The following TJP2 variants were observed in gnomAD, a reference collection of about 807,000 sequenced individuals.
TJP2 encodes the protein Friedreich ataxia region gene X104 (tight junction protein ZO-2).
A neutral mutation model predicts 133.1 loss-of-function variants in TJP2; 91 were observed. That is an observed-to-expected ratio of 0.68 (90% CI 0.58 to 0.81). TJP2 has a LOEUF of 0.81. Among genes scored for constraint, TJP2 ranks in the 40% least tolerant of loss-of-function variants. The pLI is 0.00. For missense variants in TJP2, 1,541 were observed against 1,565.6 expected (o/e 0.98, Z 0.26); for synonymous variants, 592 against 583.4 (o/e 1.01, Z -0.21).
chr9:69,248,590 GA>G, intron 19 of TJP2: 1 of 1,175,646 alleles, frequency 8.5e-7, no homozygotes. Context: ...TGTACTCTTA[GA>G]TGTCCTTGCT....
chr9:69,237,250 G>A, intron 14 of TJP2, 114 bp downstream of exon 14: 1 of 1,269,262 alleles, frequency 7.9e-7, no homozygotes, highest in Non-Finnish European at 1.1e-6. Flanking sequence ...TATGCCAAAG[G>A]CAGTTTATAG....
intron 19 of TJP2, chr9:69,249,115 GAC>G (rs1270880195): frequency 7.9e-7 from 1 of 1,271,558 alleles, no homozygotes; most frequent in Admixed American, 3.6e-5. Context: ...GGATATTAGT[GAC>G]ACAAGAGATT....
At chr9:69,142,775 C>A (rs1823066810) in intron 1 of TJP2, among the ~76,000 whole-genome samples, 1 of 152,122 alleles carries the variant, frequency 6.6e-6, no homozygotes. Flanking sequence ...TTTTAATCAT[C>A]CAGAAAGAAA....
At position 69,234,516 on chromosome 9, in the gene TJP2, G is replaced by A; in HGVS notation, c.1749G>A (p.Met583Ile). ...TGTTAGAAATCCCTAAAGGTGAAAT[G>A]GTGACCATTTTAGCTCAGAGCCGAG... ...LYLLEIPKGE[M>I]VTILAQSRAD... The change falls in exon 12 of 23, where the codon ATG (methionine) becomes ATA (isoleucine). Residue 583 changes from methionine to isoleucine, a missense_variant. Physicochemically the swap from Met to Ile is conservative, Grantham distance 10. Transcript: ENST00000377245. The A allele has an allele frequency of 1.3e-6, 2 of 1,581,682 alleles. No homozygotes were observed. The highest frequency in any genetic ancestry group is 2.3e-5 in the East Asian group (1 of 42,656).
At chr9:69,253,331 T>G (rs1831475580) in intron 22 of TJP2, 1 of 192,972 alleles carries the variant, frequency 5.2e-6, no homozygotes, top group Admixed American at 5.4e-5. Flanking sequence ...GACAAGCAAA[T>G]GAGCAGTCTT....
At chr9:69,155,469 G>A (rs1393004099) in intron 2 of TJP2, among the ~76,000 whole-genome samples, 2 of 152,330 alleles carry the variant, frequency 1.3e-5, no homozygotes, top group East Asian at 1.9e-4. Flanking sequence ...GTTAAAACAC[G>A]GATTCCTGGG....
chr9:69,151,752 T>C, exon 2 of TJP2: 1 of 1,232,148 alleles, frequency 8.1e-7, no homozygotes, highest in Non-Finnish European at 1.0e-6. Flanking sequence ...GCTGTACCAG[T>C]ACACGGCCCA....
At chr9:69,147,085 G>T (rs1823245461) in intron 1 of TJP2, among the ~76,000 whole-genome samples, 1 of 152,206 alleles carries the variant, frequency 6.6e-6, no homozygotes. Flanking sequence ...GGCATACAGA[G>T]ACTCTATCAG....
intron 12 of TJP2, 24 bp from the exon 13 acceptor site, chr9:69,236,004 A>G: frequency 2.5e-6 from 4 of 1,612,768 alleles, no homozygotes; most frequent in Non-Finnish European, 3.4e-6. Flanking sequence ...GCTGAATGCA[A>G]CAAACGATGC....
At chr9:69,146,068 T>C (rs922880216) in intron 1 of TJP2, among the ~76,000 whole-genome samples, 9 of 152,202 alleles carry the variant, frequency 5.9e-5, no homozygotes, top group African/African-American at 2.2e-4. Context: ...ATTTTTACAA[T>C]CTAGACATTT....
intron 1 of TJP2, among the ~76,000 whole-genome samples, chr9:69,191,338 T>G (rs1826190582): frequency 6.6e-6 from 1 of 152,242 alleles, no homozygotes; most frequent in African/African-American, 2.4e-5. Flanking sequence ...ATGTTCCTAT[T>G]TCTCTGGATT....
intron 1 of TJP2, among the ~76,000 whole-genome samples, chr9:69,208,337 C>T (rs780136695): frequency 7.2e-5 from 11 of 152,114 alleles, no homozygotes; most frequent in Non-Finnish European, 1.3e-4. Flanking sequence ...GAAGAAGCCT[C>T]GCAATCTGAT....
intron 1 of TJP2, among the ~76,000 whole-genome samples, chr9:69,188,820 C>T (rs562366366): frequency 6.6e-6 from 1 of 152,254 alleles, no homozygotes; most frequent in South Asian, 2.1e-4. Context: ...AGTCCATAGC[C>T]TCCAGTTAGA....
At chr9:69,253,067 G>A in intron 22 of TJP2, 167 bp downstream of exon 22, 1 of 664,664 alleles carries the variant, frequency 1.5e-6, no homozygotes, top group Non-Finnish European at 2.6e-6. Flanking sequence ...AAAGATTACA[G>A]AGTCAAAACT....
At chr9:69,145,909 C>T (rs1221621524) in intron 1 of TJP2, 3 of 679,704 alleles carry the variant, frequency 4.4e-6, no homozygotes, top group African/African-American at 1.9e-5. Context: ...GGTCCTCTGT[C>T]TTGTGGGGAT....
intron 1 of TJP2, among the ~76,000 whole-genome samples, chr9:69,143,186 T>C (rs1200031853): frequency 6.6e-6 from 1 of 152,238 alleles, no homozygotes; most frequent in Non-Finnish European, 1.5e-5. Flanking sequence ...GAAATCATCA[T>C]AGATAAGAAT....
chr9:69,170,198 GA>G (rs1465859081), upstream of TJP2, among the ~76,000 whole-genome samples: 24 of 151,782 alleles, frequency 1.6e-4, no homozygotes, highest in Admixed American at 1.4e-3. Context: ...CTGAAAAGTT[GA>G]AAAAAATTGT....
intron 2 of TJP2, among the ~76,000 whole-genome samples, 199 bp downstream of exon 2, chr9:69,212,800 T>A (rs1828022772): frequency 6.6e-6 from 1 of 152,216 alleles, no homozygotes; most frequent in African/African-American, 2.4e-5. Flanking sequence ...AAGGACTGTT[T>A]AGTATGGAAC....
At chr9:69,188,040 C>T (rs1006355727) in intron 1 of TJP2, among the ~76,000 whole-genome samples, 5 of 152,174 alleles carry the variant, frequency 3.3e-5, no homozygotes, top group African/African-American at 1.2e-4. Flanking sequence ...TATAGAACTG[C>T]TCTGAGAATG....
Sources: gnomAD v4.1 joint callset for allele counts (sites outside exome capture counted in the v4.1 genomes callset) on GRCh38, gnomAD v4.1.1 for gene constraint, MANE v1.5 for transcripts, NCBI Gene and HGNC (gene_info 2026-07-23, HGNC 2026-07-21) for gene names.